The following C6orf52 variants were observed in gnomAD, a reference collection of about 807,000 sequenced individuals.
C6orf52 encodes chromosome 6 open reading frame 52.
A neutral mutation model predicts 16.6 loss-of-function variants in C6orf52; 16 were observed. The ratio of observed to expected loss-of-function variants is 0.96; its 90% CI spans 0.65 to 1.46. The LOEUF (loss-of-function observed/expected upper bound fraction) is 1.46, where lower values mean the gene tolerates loss of function less well. Among genes scored for constraint, C6orf52 ranks in the 40% most tolerant of loss-of-function variants. The pLI is 0.00. For missense variants in C6orf52, 166 were observed against 182.3 expected (o/e 0.91, Z 0.52); for synonymous variants, 53 against 61.4 (o/e 0.86, Z 0.64).
chr6:10,676,668 G>C (rs867720130), intron 4 of C6orf52, among the ~76,000 whole-genome samples: 4 of 152,186 alleles, frequency 2.6e-5, no homozygotes, highest in Admixed American at 6.5e-5. Context: ...GTCACACCTG[G>C]TCTAGCCAAT....
At chr6:10,675,018 T>C (rs1221445884) in intron 4 of C6orf52, among the ~76,000 whole-genome samples, 1 of 151,844 alleles carries the variant, frequency 6.6e-6, no homozygotes, top group Non-Finnish European at 1.5e-5. Flanking sequence ...ACCATGTTGG[T>C]CAGGCTGGTC....
intron 4 of C6orf52, among the ~76,000 whole-genome samples, chr6:10,675,742 C>T (rs1033243374): frequency 7.2e-5 from 11 of 152,204 alleles, no homozygotes; most frequent in African/African-American, 2.4e-4. Flanking sequence ...CGATATCTCA[C>T]TACTGTGGTT....
chr6:10,678,853 G>C (rs1768117267), intron 4 of C6orf52, among the ~76,000 whole-genome samples: 1 of 152,172 alleles, frequency 6.6e-6, no homozygotes, highest in Non-Finnish European at 1.5e-5. Flanking sequence ...CCCGCACTTT[G>C]GGAGGCGGAG....
chr6:10,686,546 AAAAC>A (rs1768881896), intron 3 of C6orf52, among the ~76,000 whole-genome samples: 1 of 152,196 alleles, frequency 6.6e-6, no homozygotes, highest in African/African-American at 2.4e-5. Context: ...CAACTGCTAT[AAAAC>A]AAACCCCAAA....
At chr6:10,685,973 G>C (rs981457392) in intron 3 of C6orf52, among the ~76,000 whole-genome samples, 2 of 152,194 alleles carry the variant, frequency 1.3e-5, no homozygotes, top group African/African-American at 4.8e-5. Context: ...ACAAATGCTT[G>C]AAGATAGGTA....
Position 10,687,144 on chromosome 6 carries a change from A to C in C6orf52, c.92T>G (p.Val31Gly), listed in dbSNP as rs770590197. 1.9e-6 allele frequency: 3 copies of C among 1,550,616 alleles called. No individual in the cohort carries two copies. Among genetic ancestry groups the C allele is most frequent in the Non-Finnish European group, 1.7e-6 (2 of 1,146,326 alleles). ...YWQSLPSAIR[V>G]KQEFQPSQSY... is the part of the protein sequence containing the mutation. ...CTGGCTGGGCTGGAACTCCTGCTTC[A>C]CTCTAATAGCAGAGGGGAGACTACA... The change falls in exon 3 of 5, where the codon GTG (valine) becomes GGG (glycine). Residue 31 changes from valine to glycine, a missense_variant. Coordinates refer to ENST00000259983, the MANE Select transcript of C6orf52 (RefSeq NM_001145020.3).
At chr6:10,676,701 A>C (rs1581535819) in intron 4 of C6orf52, among the ~76,000 whole-genome samples, 1 of 152,042 alleles carries the variant, frequency 6.6e-6, no homozygotes, top group African/African-American at 2.4e-5. Flanking sequence ...TAAATCAGAC[A>C]CCGCCTCCTC....
chr6:10,687,384 A>T (rs1468214252), intron 2 of C6orf52, 96 bp downstream of exon 2: 62 of 241,326 alleles, frequency 2.6e-4, no homozygotes, highest in South Asian at 5.0e-4. Flanking sequence ...CCAGAACTTT[A>T]AAAAAAAAAA....
At chr6:10,676,287 T>C (rs1278727242) in intron 4 of C6orf52, among the ~76,000 whole-genome samples, 2 of 152,238 alleles carry the variant, frequency 1.3e-5, no homozygotes, top group African/African-American at 4.8e-5. Context: ...TCCTTATATA[T>C]TTAGCATATT....
intron 4 of C6orf52, among the ~76,000 whole-genome samples, chr6:10,678,199 A>G (rs901969144): frequency 2.0e-5 from 3 of 151,468 alleles, no homozygotes; most frequent in Admixed American, 2.0e-4. Flanking sequence ...AAAAAAAAAA[A>G]AAAAAAAAGA....
At chr6:10,677,347 G>C (rs1767983654) in intron 4 of C6orf52, among the ~76,000 whole-genome samples, 1 of 151,966 alleles carries the variant, frequency 6.6e-6, no homozygotes, top group African/African-American at 2.4e-5. Flanking sequence ...TTATTTCTGG[G>C]CTCTCTATTC....
At chr6:10,673,595 A>AC (rs1767610308) in intron 4 of C6orf52, among the ~76,000 whole-genome samples, 1 of 152,246 alleles carries the variant, frequency 6.6e-6, no homozygotes, top group African/African-American at 2.4e-5. Flanking sequence ...AGGTTATAAA[A>AC]TGAAGAGTTC....
At chr6:10,691,539 A>T (rs1486168100) in intron 1 of C6orf52, among the ~76,000 whole-genome samples, 1 of 152,094 alleles carries the variant, frequency 6.6e-6, no homozygotes, top group Non-Finnish European at 1.5e-5. Flanking sequence ...GATCTTTACC[A>T]GGCCCAGAGT....
At chr6:10,690,331 T>C (rs922619486) in intron 1 of C6orf52, among the ~76,000 whole-genome samples, 2 of 152,164 alleles carry the variant, frequency 1.3e-5, no homozygotes, top group Non-Finnish European at 2.9e-5. Flanking sequence ...CAAATTTCTA[T>C]TGGGGCACAC....
chr6:10,683,585 C>CTAG lies in C6orf52; in HGVS notation c.271-354_271-353insCTA, dbSNP rs1768594633. On this transcript the variant is annotated intron_variant, in intron 3 of 4. Coordinates refer to ENST00000259983, the MANE Select transcript of C6orf52 (RefSeq NM_001145020.3). ...TCCAGGCTCCTTATTTCTTGTACTACATGCCTGACTCTACCTAGAGTTCTG... is the reference window on the plus strand; with the variant it reads ...TCCAGGCTCCTTATTTCTTGTACTACTAGATGCCTGACTCTACCTAGAGTTCTG... Among the ~76,000 whole-genome samples, 2 of 152,204 alleles carry CTAG rather than the reference C, an allele frequency of 1.3e-5. 1 individual carries two copies. Among genetic ancestry groups the CTAG allele is most frequent in the South Asian group, 4.1e-4 (2 of 4,832 alleles).
intron 3 of C6orf52, among the ~76,000 whole-genome samples, chr6:10,686,212 T>C (rs1051749573): frequency 2.6e-5 from 4 of 152,212 alleles, no homozygotes; most frequent in African/African-American, 9.7e-5. Flanking sequence ...TGGACGATTT[T>C]TTAAAGAAAG....
chr6:10,671,879 T>C (rs1767452721), intron 4 of C6orf52, among the ~76,000 whole-genome samples: 1 of 152,094 alleles, frequency 6.6e-6, no homozygotes, highest in South Asian at 2.1e-4. Context: ...GGATTCAATT[T>C]GGGAGGAAAG....
intron 4 of C6orf52, among the ~76,000 whole-genome samples, chr6:10,676,435 GAC>G (rs1328209417): frequency 3.3e-5 from 5 of 152,180 alleles, no homozygotes; most frequent in Non-Finnish European, 7.3e-5. Flanking sequence ...CTGAACTGCA[GAC>G]ACAGACAAGC....
chr6:10,689,171 T>C (rs1408314799), intron 1 of C6orf52, among the ~76,000 whole-genome samples: 1 of 136,512 alleles, frequency 7.3e-6, no homozygotes. Flanking sequence ...ATTTTCACCA[T>C]GTTGGCCAGG....
Sources: allele counts gnomAD v4.1 joint callset (sites outside exome capture counted in the v4.1 genomes callset), GRCh38; gene constraint gnomAD v4.1.1; transcripts MANE v1.5; gene names NCBI Gene and HGNC (gene_info 2026-07-23, HGNC 2026-07-21).